SLC1A5: variants seen among roughly 807,000 people sequenced by gnomAD.
SLC1A5 encodes the protein neutral amino acid transporter B(0).
In SLC1A5, 25 loss-of-function variants were observed where a neutral mutation model predicts 34.9. The ratio of observed to expected loss-of-function variants is 0.72; its 90% confidence interval spans 0.52 to 1.00. The LOEUF (loss-of-function observed/expected upper bound fraction) is 1.00. Ranked by LOEUF, SLC1A5 falls within the 50% of genes least tolerant of loss-of-function variation. SLC1A5 has a pLI of 0.00. For missense variants in SLC1A5, 637 were observed against 740.0 expected, an observed-to-expected ratio of 0.86 and a Z score of 1.61; for synonymous variants, 351 against 341.2, an observed-to-expected ratio of 1.03 and a Z score of -0.32.
chr19:46,782,350 C>CCCCCCCCCCCCCCCCCCCAA, intron 4 of SLC1A5, 33 bp downstream of exon 4: 5 of 631,604 alleles, frequency 7.9e-6, no homozygotes, highest in Admixed American at 2.6e-5. Flanking sequence ...CCTCCAACCC[C>CCCCCCCCCCCCCCCCCCCAA]ACCCACCCCC....
At chr19:46,781,129 G>C (rs1488265512) in intron 4 of SLC1A5, among the ~76,000 whole-genome samples, 1 of 152,242 alleles carries the variant, frequency 6.6e-6, no homozygotes, top group Non-Finnish European at 1.5e-5. Context: ...CTATGAGTCA[G>C]ATTGCAGATT....
Position 46,778,582 on chromosome 19 carries a change from C to A in SLC1A5, c.1058+93G>T, listed in dbSNP as rs551216372. On this transcript the variant is annotated intron_variant, in intron 5 of 7. Transcript: ENST00000542575. ...AATCTCCTGAAGTATGGCCCCTGTACCCAGATACAATGTCCCGGGCAGAGA... is the reference window on the plus strand; with the variant it reads ...AATCTCCTGAAGTATGGCCCCTGTAACCAGATACAATGTCCCGGGCAGAGA... 11 of 861,696 alleles carry A rather than the reference C, an allele frequency of 1.3e-5. No individual in the cohort carries two copies. The East Asian group carries it at 2.4e-4, about 19-fold the overall frequency. The allele number at this position is 861,696 out of a possible 1,614,324, so 53.4% of individuals were successfully genotyped here.
chr19:46,775,532 G>A lies in SLC1A5; in HGVS notation c.1604C>T (p.Ser535Phe), dbSNP rs763572985. The change falls in exon 8 of 8, where the codon TCT becomes TTT. Residue 535 changes from serine to phenylalanine, a missense_variant. By Grantham distance (155) the Ser-to-Phe change is radical (BLOSUM62 -2). Coordinates refer to ENST00000542575, the MANE Select transcript of SLC1A5 (RefSeq NM_005628.3). ...GGTTTACATGACTGATTCCTTCTCA[G>A]AGGCGACCGTGGCATCCCCTGCGGG... Reference protein sequence around the residue: ...RGPAGDATVASEKESVM With the variant: ...RGPAGDATVAFEKESVM 2.5e-5 allele frequency: 41 copies of A among 1,612,256 alleles called. No homozygotes were observed. The highest frequency in any genetic ancestry group is 3.4e-5 in the Non-Finnish European group (40 of 1,179,002).
rs1471238326 is a variant in SLC1A5 at position 46,777,276 on chromosome 19, C to T, written c.1188G>A (p.Val396=). The T allele has an allele frequency of 1.2e-6, 2 of 1,613,410 alleles. No homozygotes were observed. Among genetic ancestry groups the T allele is most frequent in the Admixed American group, 3.3e-5 (2 of 59,882 alleles). ...TGAGCTGTGCAATGAACACTGCGGC[C>T]ACGCACTGGAAGAGCGCGGCACCGT... is the stretch of plus-strand genomic sequence containing the variant. ...NMDGAALFQC[V]AAVFIAQLSQ... Residue 396 remains valine, a synonymous_variant, in exon 6 of 8, where the codon GTG becomes GTA. Coordinates refer to ENST00000542575, the MANE Select transcript of SLC1A5 (RefSeq NM_005628.3).
At position 46,787,858 on chromosome 19, in the gene SLC1A5, G is replaced by T. The variant is rs773370488; in HGVS notation, c.108C>A (p.Gly36=). ...CCTGGTCCCGGGAACCGCAGTAGCC[G>T]CCTGCTGCCGCGCCTTGGTCCTCGA... ...ASIEDQGAAA[G]GYCGSRDQVR... Residue 36 remains glycine (G), a synonymous_variant, in exon 1 of 8, where the codon GGC becomes GGA. Transcript: ENST00000542575. This position sits in a 1 kb window ranked among gnomAD's most constrained non-coding sequence, Gnocchi z 5.2. The T allele has an allele frequency of 8.4e-6, 13 of 1,555,758 alleles. No homozygotes were observed. Among genetic ancestry groups the T allele is most frequent in the East Asian group, 2.4e-5 (1 of 41,164 alleles).
intron 5 of SLC1A5, among the ~76,000 whole-genome samples, chr19:46,778,257 C>T (rs1351517864): frequency 6.6e-6 from 1 of 152,068 alleles, no homozygotes; most frequent in Non-Finnish European, 1.5e-5. Context: ...GGCGAAACCC[C>T]GTCTCTACTA....
At chr19:46,782,144 C>T (rs1204643840) in intron 4 of SLC1A5, among the ~76,000 whole-genome samples, 1 of 152,130 alleles carries the variant, frequency 6.6e-6, no homozygotes, top group Non-Finnish European at 1.5e-5. Context: ...GATCCACCCA[C>T]CTCCTCCCAA....
At position 46,778,862 on chromosome 19, in the gene SLC1A5, C is replaced by T. The variant is rs1421535992; in HGVS notation, c.871G>A (p.Glu291Lys). The change falls in exon 5 of 8, where the codon GAG (glutamate) becomes AAG (lysine). Residue 291 changes from glutamate to lysine, a missense_variant. Physicochemically the swap from Glu to Lys is moderately conservative, Grantham distance 56 (BLOSUM62 1). Coordinates refer to ENST00000542575, the MANE Select transcript of SLC1A5 (RefSeq NM_005628.3). ...IMFLVAGKIV[E>K]MEDVGLLFAR... The stretch of plus-strand genomic sequence containing the variant: ...AAGAGTAAACCCACATCCTCCATCT[C>T]CACGATCTTGCCAGCCACCAGGAAC... The T allele has an allele frequency of 3.1e-6, 5 of 1,595,144 alleles. No homozygotes were observed. Among genetic ancestry groups the T allele is most frequent in the Admixed American group, 3.4e-5 (2 of 58,088 alleles).
intron 5 of SLC1A5, among the ~76,000 whole-genome samples, chr19:46,777,947 G>A (rs1158017192): frequency 6.6e-6 from 1 of 151,986 alleles, no homozygotes; most frequent in African/African-American, 2.4e-5. Flanking sequence ...CCCTGGGAGA[G>A]TATAGACTAC....
intron 3 of SLC1A5, 29 bp from the exon 4 acceptor site, chr19:46,782,578 A>G: frequency 2.5e-6 from 4 of 1,612,590 alleles, no homozygotes; most frequent in Non-Finnish European, 3.4e-6. Flanking sequence ...TCGGGGTGGA[A>G]AGGACACTCA....
intron 4 of SLC1A5, 41 bp downstream of exon 4, chr19:46,782,342 T>TGCCAACCCCCCCCCCCCCCCCCCCCC: frequency 1.1e-5 from 6 of 523,370 alleles, no homozygotes; most frequent in East Asian, 4.0e-5. Flanking sequence ...AGACCGACCC[T>TGCCAACCCCCCCCCCCCCCCCCCCCC]CCAACCCCAC....
At position 46,787,613 on chromosome 19, in the gene SLC1A5, C is replaced by G. The variant is rs372180910; in HGVS notation, c.353G>C (p.Ser118Thr). ...VVCSLIGGAA[S>T]LDPGALGRLG... The stretch of plus-strand genomic sequence containing the variant: ...ACGGCCGAGCGCGCCGGGGTCCAGG[C>G]TGGCGGCGCCGCCGATCAAGCTGCA... The change falls in exon 1 of 8, where the codon AGC (serine) becomes ACC (threonine). Residue 118 changes from serine to threonine, a missense_variant. Physicochemically the swap from Ser to Thr is moderately conservative, Grantham distance 58. Transcript: ENST00000542575. The surrounding 1 kb of genome is among the most constrained non-coding windows in gnomAD (Gnocchi z 5.2). 3.2e-6 allele frequency: 5 copies of G among 1,563,074 alleles called. No homozygotes were observed. The African/African-American group carries it at 4.1e-5, about 13-fold the overall frequency.
chr19:46,782,344 C>CAA, intron 4 of SLC1A5, 39 bp downstream of exon 4: 1 of 617,112 alleles, frequency 1.6e-6, no homozygotes, highest in African/African-American at 1.9e-5. Flanking sequence ...ACCGACCCTC[C>CAA]AACCCCACCC....
intron 4 of SLC1A5, 32 bp downstream of exon 4, chr19:46,782,351 A>ACCCCAACCCCCC: frequency 3.9e-6 from 1 of 256,186 alleles, no homozygotes; most frequent in East Asian, 7.3e-5. Context: ...CTCCAACCCC[A>ACCCCAACCCCCC]CCCACCCCCA....
chr19:46,782,342 T>TGCCACCCCCCCCCCCCCCCCCCCCC, intron 4 of SLC1A5, 41 bp downstream of exon 4: 30 of 523,362 alleles, frequency 5.7e-5, no homozygotes, highest in East Asian at 2.0e-4. Context: ...AGACCGACCC[T>TGCCACCCCCCCCCCCCCCCCCCCCC]CCAACCCCAC....
chr19:46,787,280 T>C lies in SLC1A5; in HGVS notation c.566+120A>G. On this transcript the variant is annotated intron_variant, in intron 1 of 7. Transcript: ENST00000542575. The surrounding 1 kb of genome is among the most constrained non-coding windows in gnomAD (Gnocchi z 5.2). ...GCCTCCCCTCAATATCCTGTCGAGTTTTCCTAAGACTCTAGAGGGAAGTCT... is the reference window on the plus strand; with the variant it reads ...GCCTCCCCTCAATATCCTGTCGAGTCTTCCTAAGACTCTAGAGGGAAGTCT... 1.4e-6 allele frequency: 2 copies of C among 1,465,490 alleles called. No homozygotes were observed. Among genetic ancestry groups the C allele is most frequent in the Non-Finnish European group, 1.8e-6 (2 of 1,107,636 alleles). The allele number at this position is 1,465,490 out of a possible 1,614,324, so 90.8% of individuals were successfully genotyped here.
chr19:46,784,634 C>T (rs747096565), intron 1 of SLC1A5, 75 bp from the exon 2 acceptor site: 18 of 1,613,124 alleles, frequency 1.1e-5, no homozygotes, highest in Admixed American at 3.3e-5. Context: ...GCTGGGTTGG[C>T]GTTTTAAGGC....
At position 46,782,530 on chromosome 19, in the gene SLC1A5, A is replaced by C. The variant is rs1271101065; in HGVS notation, c.677T>G (p.Val226Gly). 6.2e-7 allele frequency: 1 copy of C among 1,613,328 alleles called. No homozygotes were observed. Among genetic ancestry groups the C allele is most frequent in the Non-Finnish European group, 8.5e-7 (1 of 1,179,892 alleles). ...TRVKVPVGQE[V>G]EGMNILGLVV... ...CAAGCCCAGGATGTTCATCCCCTCCACCTCCTGCCCCACGGGCACCTGTGG... is the reference window on the plus strand; with the variant it reads ...CAAGCCCAGGATGTTCATCCCCTCCCCCTCCTGCCCCACGGGCACCTGTGG... Residue 226 changes from valine to glycine, a missense_variant, in exon 4 of 8, where the codon GTG (valine) becomes GGG (glycine). By Grantham distance (109) the Val-to-Gly change is moderately radical (BLOSUM62 -3). Transcript: ENST00000542575.
At chr19:46,780,798 C>G (rs2055140094) in intron 4 of SLC1A5, among the ~76,000 whole-genome samples, 1 of 151,908 alleles carries the variant, frequency 6.6e-6, no homozygotes, top group African/African-American at 2.4e-5. Context: ...TGGCAAAACC[C>G]TGTCTCTACT....
Sources: gnomAD v4.1 joint callset for allele counts (sites outside exome capture counted in the v4.1 genomes callset) on GRCh38, gnomAD v4.1.1 for gene constraint, Gnocchi (gnomAD v3.1) non-coding constraint, MANE v1.5 for transcripts, NCBI Gene and HGNC (gene_info 2026-07-23, HGNC 2026-07-21) for gene names.